Variants in CITED1 observed in about 807,000 individuals in gnomAD.
CITED1 encodes cbp/p300-interacting transactivator 1.
CITED1 carries 3 observed loss-of-function variants against 8.5 expected under a neutral mutation model. The ratio of observed to expected loss-of-function variants is 0.35; its 90% CI spans 0.16 to 0.91. The LOEUF (loss-of-function observed/expected upper bound fraction) is 0.91, where lower values mean the gene tolerates loss of function less well. Ranked by LOEUF, CITED1 falls within the 40% of genes least tolerant of loss-of-function variation. CITED1 has a pLI of 0.46. For missense variants in CITED1, 113 were observed against 154.8 expected, an observed-to-expected ratio of 0.73 and a Z score of 1.43; for synonymous variants, 54 against 67.4, an observed-to-expected ratio of 0.80 and a Z score of 0.97.
chrX:72,306,198 A>G (rs1456125567), upstream of CITED1, among the ~76,000 whole-genome samples: 1 of 111,337 alleles, frequency 9.0e-6, no homozygotes, highest in Non-Finnish European at 1.9e-5. Flanking sequence ...AAGCTGGAGA[A>G]AGCGCGGGCG....
chrX:72,305,964 G>GGT (rs751717258), upstream of CITED1: 338 of 111,035 alleles, frequency 3.0e-3, no homozygotes, highest in Non-Finnish European at 4.6e-3. Context: ...TGTGCGCGTG[G>GGT]GTGTGTGTGT....
In CITED1 at chrX:72,302,154, C is replaced by A; in HGVS notation, c.151G>T (p.Ala51Ser). ...CCACTGGCCTTGGTTCCATTTGAGG[C>A]TACCCCAGGGTAGTGCAGAATGGCC... is the stretch of plus-strand genomic sequence containing the variant. The part of the protein sequence containing the change: ...AVAILHYPGV[A>S]SNGTKASGAP... The change falls in exon 3 of 3, where the codon GCC (alanine) becomes TCC (serine). Residue 51 changes from alanine to serine, a missense_variant. By Grantham distance (99) the Ala-to-Ser change is moderately conservative. Transcript: ENST00000651998. 1 of 1,198,216 alleles carries A rather than the reference C, an allele frequency of 8.3e-7. No homozygotes were observed. The highest frequency in any genetic ancestry group is 1.1e-6 in the Non-Finnish European group (1 of 888,242).
At position 72,302,007 on chromosome X, in the gene CITED1, G is replaced by A; in HGVS notation, c.298C>T (p.Leu100Phe). The A allele has an allele frequency of 8.3e-7, 1 of 1,208,148 alleles. No homozygotes were observed. The highest frequency in any genetic ancestry group is 1.1e-6 in the Non-Finnish European group (1 of 893,475). Residue 100 changes from leucine (L) to phenylalanine (F), a missense_variant, in exon 3 of 3, where the codon CTT becomes TTT. By Grantham distance (22) the Leu-to-Phe change is conservative (BLOSUM62 0). Coordinates refer to ENST00000651998, the MANE Select transcript of CITED1 (RefSeq NM_001144887.2). ...HLLASMHLQK[L>F]NSQYQGMAAA... ...GCCATCCCCTGATACTGGCTATTAAGTTTCTGCAGGTGCATACTAGCCAGC... is the reference window on the plus strand; with the variant it reads ...GCCATCCCCTGATACTGGCTATTAAATTTCTGCAGGTGCATACTAGCCAGC...
At position 72,302,230 on chromosome X, in the gene CITED1, C is replaced by T; in HGVS notation, c.75G>A (p.Glu25=). ...GGTTGGAGTAGGCCACGGAGCTCAT[C>T]TCTTGGTTGGCATCCTAGAAGACAG... The part of the protein sequence containing the change: ...TSPAKEDANQ[E]MSSVAYSNLA... Residue 25 remains glutamate, a synonymous_variant, in exon 3 of 3, where the codon GAG becomes GAA. Transcript: ENST00000651998. 1 of 1,205,904 alleles carries T rather than the reference C, an allele frequency of 8.3e-7. No homozygotes were observed. Among genetic ancestry groups the T allele is most frequent in the African/African-American group, 1.7e-5 (1 of 57,845 alleles).
At chrX:72,306,412 C>G (rs1025234942), upstream of CITED1, 3 of 111,933 alleles carry the variant, frequency 2.7e-5, no homozygotes, top group African/African-American at 9.7e-5. Context: ...ACTCCCCATA[C>G]CCGCTCCACG....
chrX:72,306,679 G>T (rs2043343620), upstream of CITED1: 1 of 109,927 alleles, frequency 9.1e-6, no homozygotes, highest in African/African-American at 3.3e-5. Context: ...CGCCGCCGCT[G>T]CACCGCACAG....
intron 1 of CITED1, chrX:72,305,217 A>C (rs2043325122): frequency 1.1e-6 from 1 of 882,960 alleles, no homozygotes; most frequent in East Asian, 3.5e-5. Context: ...AGGGGTGGGA[A>C]GGGGAGAGGG....
At position 72,301,687 on chromosome X, in the gene CITED1, G is replaced by C; in HGVS notation, c.*36C>G. 8.3e-7 allele frequency: 1 copy of C among 1,199,399 alleles called. No individual in the cohort carries two copies. Among genetic ancestry groups the C allele is most frequent in the Non-Finnish European group, 1.1e-6 (1 of 888,392 alleles). On this transcript the variant is annotated 3_prime_UTR_variant, in exon 3 of 3. Coordinates refer to ENST00000651998, the MANE Select transcript of CITED1 (RefSeq NM_001144887.2). ...TTTATTTTTATTTACAACAGAATTGGTGGCTTTATTCCTCCATCTTTAGGG... is the reference window on the plus strand; with the variant it reads ...TTTATTTTTATTTACAACAGAATTGCTGGCTTTATTCCTCCATCTTTAGGG...
intron 1 of CITED1, chrX:72,305,509 T>C (rs918534253): frequency 2.4e-6 from 1 of 412,463 alleles, no homozygotes; most frequent in Non-Finnish European, 4.3e-6. Context: ...GCCGGGAGCA[T>C]CCCTTGCACG....
At chrX:72,303,044 G>A in intron 1 of CITED1, 110 bp from the exon 2 acceptor site, 1 of 950,325 alleles carries the variant, frequency 1.1e-6, no homozygotes, top group Non-Finnish European at 1.4e-6. Context: ...CAAGGATGGT[G>A]ACTGAGTTAG....
intron 1 of CITED1, among the ~76,000 whole-genome samples, chrX:72,304,878 G>GCTCA (rs773949827): frequency 8.9e-6 from 1 of 112,062 alleles, no homozygotes; most frequent in East Asian, 2.8e-4. Context: ...CTCAATAGGC[G>GCTCA]CTCAGTAAGT....
At position 72,302,100 on chromosome X, in the gene CITED1, T is replaced by C; in HGVS notation, c.205A>G (p.Ile69Val). Residue 69 changes from isoleucine to valine, a missense_variant, in exon 3 of 3, where the codon ATA becomes GTA. Physicochemically the swap from Ile to Val is conservative, Grantham distance 29. Transcript: ENST00000651998. ...GAPTSSSGSP[I>V]GSPTTTPPTK... ...GGAGGGGTGGTTGTAGGAGAGCCTATTGGAGATCCCGAGGAACTAGTGGGA... is the reference window on the plus strand; with the variant it reads ...GGAGGGGTGGTTGTAGGAGAGCCTACTGGAGATCCCGAGGAACTAGTGGGA... 8.4e-7 allele frequency: 1 copy of C among 1,188,790 alleles called. No individual in the cohort carries two copies. The highest frequency in any genetic ancestry group is 1.1e-6 in the Non-Finnish European group (1 of 883,450).
At chrX:72,306,213 G>A (rs889832602), upstream of CITED1, among the ~76,000 whole-genome samples, 2 of 111,478 alleles carry the variant, frequency 1.8e-5, no homozygotes, top group East Asian at 2.9e-4. Context: ...CGGGCGCAGG[G>A]AGAAAAGGTG....
Position 72,302,156 on chromosome X carries a change from A to G in CITED1, c.149T>C (p.Val50Ala). The change falls in exon 3 of 3, where the codon GTA (valine) becomes GCA (alanine). Residue 50 changes from valine (V) to alanine (A), a missense_variant. Val to Ala is a moderately conservative substitution (Grantham distance 64). Transcript: ENST00000651998. ...ACTGGCCTTGGTTCCATTTGAGGCT[A>G]CCCCAGGGTAGTGCAGAATGGCCAC... ...KAVAILHYPG[V>A]ASNGTKASGA... 2 of 1,198,373 alleles carry G rather than the reference A, an allele frequency of 1.7e-6. No homozygotes were observed. Among genetic ancestry groups the G allele is most frequent in the Non-Finnish European group, 1.1e-6 (1 of 888,389 alleles).
upstream of CITED1, among the ~76,000 whole-genome samples, chrX:72,306,299 C>A (rs1293152058): frequency 2.8e-5 from 3 of 108,935 alleles, no homozygotes; most frequent in Non-Finnish European, 3.8e-5. Context: ...CGAACCCGAG[C>A]GCTGGCGGGC....
At chrX:72,305,423 C>G (rs1204955995) in intron 1 of CITED1, 2 of 653,997 alleles carry the variant, frequency 3.1e-6, no homozygotes, top group African/African-American at 4.4e-5. Flanking sequence ...CACCTGAAAA[C>G]TAAAGGCCCG....
intron 1 of CITED1, chrX:72,304,051 T>TA (rs374822119): frequency 0.079 from 29,604 of 373,614 alleles, 772 homozygotes; most frequent in African/African-American, 0.24. Flanking sequence ...CCTATCTCTT[T>TA]AAAAAAAAAA....
chrX:72,303,555 C>T (rs1331072129), intron 1 of CITED1, among the ~76,000 whole-genome samples: 1 of 112,095 alleles, frequency 8.9e-6, no homozygotes, highest in Non-Finnish European at 1.9e-5. Flanking sequence ...CACTTTCCTC[C>T]ATGTCTCAAG....
chrX:72,304,619 A>C (rs2043318378), intron 1 of CITED1, among the ~76,000 whole-genome samples: 1 of 111,936 alleles, frequency 8.9e-6, no homozygotes, highest in African/African-American at 3.3e-5. Flanking sequence ...CCGAATGTAC[A>C]AAACGAAGAA....
Sources: gnomAD v4.1 joint callset for allele counts (sites outside exome capture counted in the v4.1 genomes callset) on GRCh38, gnomAD v4.1.1 for gene constraint, MANE v1.5 for transcripts, NCBI Gene and HGNC (gene_info 2026-07-23, HGNC 2026-07-21) for gene names.